CNTNAP5: variants seen among roughly 807,000 people sequenced by gnomAD.
CNTNAP5 encodes contactin associated protein family member 5, also known as contactin-associated protein-like 5.
In CNTNAP5, 72 loss-of-function variants were observed where a neutral mutation model predicts 150.2. The ratio of observed to expected loss-of-function variants is 0.48; its 90% CI spans 0.40 to 0.58. The LOEUF (loss-of-function observed/expected upper bound fraction) is 0.58, where lower values mean the gene tolerates loss of function less well. Among genes scored for constraint, CNTNAP5 ranks in the 20% least tolerant of loss-of-function variants. The pLI is 0.00. For missense variants in CNTNAP5, 1,636 were observed against 1,626.2 expected, an observed-to-expected ratio of 1.01 and a Z score of -0.10; for synonymous variants, 672 against 619.8, an observed-to-expected ratio of 1.08 and a Z score of -1.25.
In CNTNAP5 at chr2:124,870,645, A is replaced by G. The variant is rs527744089; in HGVS notation, c.3436+883A>G. Among the ~76,000 whole-genome samples, 139 of 152,310 alleles carry G rather than the reference A, an allele frequency of 9.1e-4. 1 individual carries two copies. The highest frequency in any genetic ancestry group is 3.0e-3 in the African/African-American group (125 of 41,562). The stretch of plus-strand genomic sequence containing the variant: ...CTCTCTCTATCACAGTACAATGCAG[A>G]AAACATTAATAACTCAATGCATGGT... On this transcript the variant is annotated intron_variant, in intron 21 of 23. Transcript: ENST00000682447.
chr2:124,229,471 C>A (rs566725789), intron 2 of CNTNAP5, among the ~76,000 whole-genome samples: 12 of 152,228 alleles, frequency 7.9e-5, no homozygotes, highest in Admixed American at 7.9e-4. Context: ...AACACTTCAG[C>A]CTTCATCTCA....
At chr2:124,290,976 G>C (rs774833853) in intron 3 of CNTNAP5, among the ~76,000 whole-genome samples, 7 of 152,110 alleles carry the variant, frequency 4.6e-5, no homozygotes, top group Admixed American at 2.0e-4. Context: ...AAATGAAATA[G>C]TATGTGTGAA....
chr2:124,557,346 G>C (rs1695781653), intron 10 of CNTNAP5, among the ~76,000 whole-genome samples: 1 of 151,704 alleles, frequency 6.6e-6, no homozygotes, highest in Non-Finnish European at 1.5e-5. Context: ...AAACACAAAA[G>C]TGAGGCTCCT....
intron 19 of CNTNAP5, among the ~76,000 whole-genome samples, chr2:124,832,730 C>G (rs1249146362): frequency 1.3e-5 from 2 of 151,906 alleles, no homozygotes; most frequent in East Asian, 3.9e-4. Context: ...GTTACTAATA[C>G]AGCCTTGAAG....
rs533580752 is a variant in CNTNAP5 at position 124,855,371 on chromosome 2, T to A, written c.3218-9935T>A. 2.0e-5 allele frequency among the ~76,000 whole-genome samples: 3 copies of A among 151,942 alleles called. No homozygotes were observed. In the South Asian group the frequency reaches 6.2e-4, roughly 32 times the overall value. ...TTTTATATTTTCAGTAGAGGCAGGG[T>A]TTCGCCATGTTGGTCAGGCTCGAAC... On this transcript the variant is annotated intron_variant, in intron 19 of 23. Coordinates refer to ENST00000682447, the MANE Select transcript of CNTNAP5 (RefSeq NM_001367498.1).
intron 3 of CNTNAP5, among the ~76,000 whole-genome samples, chr2:124,282,539 A>G (rs1361336346): frequency 1.3e-5 from 2 of 152,090 alleles, no homozygotes; most frequent in South Asian, 2.1e-4. Context: ...GTAATTGACA[A>G]CAGCTGAAAG....
intron 3 of CNTNAP5, among the ~76,000 whole-genome samples, chr2:124,299,307 A>G (rs1006708604): frequency 3.9e-5 from 6 of 152,018 alleles, no homozygotes; most frequent in Non-Finnish European, 7.4e-5. Context: ...AACAGTACTC[A>G]TTAGTTATTT....
chr2:124,732,207 T>G (rs1265660312), intron 13 of CNTNAP5, among the ~76,000 whole-genome samples: 1 of 152,146 alleles, frequency 6.6e-6, no homozygotes, highest in Non-Finnish European at 1.5e-5. Context: ...CTAGATAATT[T>G]TGAAGAGAAA....
chr2:124,823,726 T>A (rs1354201477), intron 19 of CNTNAP5, among the ~76,000 whole-genome samples: 1 of 152,090 alleles, frequency 6.6e-6, no homozygotes, highest in Non-Finnish European at 1.5e-5. Flanking sequence ...AACCACAGGA[T>A]GCCCATTTGT....
chr2:124,281,847 G>A (rs1449422135), intron 3 of CNTNAP5, among the ~76,000 whole-genome samples: 3 of 152,156 alleles, frequency 2.0e-5, no homozygotes, highest in Non-Finnish European at 4.4e-5. Context: ...GGCTCAGGCC[G>A]AACAGCAATC....
intron 3 of CNTNAP5, among the ~76,000 whole-genome samples, chr2:124,274,494 G>A (rs867619820): frequency 6.6e-6 from 1 of 151,176 alleles, no homozygotes; most frequent in Non-Finnish European, 1.5e-5. Context: ...AGACAATCAG[G>A]TTTTTTTTTC....
chr2:124,456,353 C>A (rs1693119372), intron 6 of CNTNAP5, among the ~76,000 whole-genome samples: 1 of 151,962 alleles, frequency 6.6e-6, no homozygotes, highest in Non-Finnish European at 1.5e-5. Flanking sequence ...TAGGAAGATA[C>A]CTAATCAAGA....
At chr2:124,378,503 C>T (rs998582494) in intron 3 of CNTNAP5, among the ~76,000 whole-genome samples, 4 of 151,986 alleles carry the variant, frequency 2.6e-5, no homozygotes. Context: ...TAAAACTTTC[C>T]TATTATCACA....
chr2:124,359,199 T>G (rs1690122376), intron 3 of CNTNAP5, among the ~76,000 whole-genome samples: 1 of 152,108 alleles, frequency 6.6e-6, no homozygotes, highest in South Asian at 2.1e-4. Flanking sequence ...CTCTCTTTTT[T>G]TCTTTATTAG....
At chr2:124,413,869 C>G (rs1435842614) in intron 3 of CNTNAP5, among the ~76,000 whole-genome samples, 4 of 144,294 alleles carry the variant, frequency 2.8e-5, no homozygotes, top group East Asian at 2.1e-4. Flanking sequence ...TACCCTAAAA[C>G]TTAAAGTATA....
chr2:124,263,018 A>G (rs1203909183), intron 3 of CNTNAP5, among the ~76,000 whole-genome samples: 1 of 152,060 alleles, frequency 6.6e-6, no homozygotes, highest in Non-Finnish European at 1.5e-5. Context: ...CATGGTGTAT[A>G]TGTGCCACAT....
chr2:124,424,175 A>G (rs905967792), intron 4 of CNTNAP5, among the ~76,000 whole-genome samples: 3 of 152,160 alleles, frequency 2.0e-5, no homozygotes, highest in African/African-American at 7.2e-5. Flanking sequence ...CCTTCCTCAG[A>G]TAAATACTCT....
At chr2:124,907,076 A>T (rs943947098) in intron 22 of CNTNAP5, among the ~76,000 whole-genome samples, 8 of 152,224 alleles carry the variant, frequency 5.3e-5, no homozygotes, top group African/African-American at 1.2e-4. Context: ...ATGCTAAAGG[A>T]AAAATATGAA....
At chr2:124,628,172 C>G (rs1677770748) in intron 12 of CNTNAP5, among the ~76,000 whole-genome samples, 1 of 152,138 alleles carries the variant, frequency 6.6e-6, no homozygotes, top group African/African-American at 2.4e-5. Context: ...ACTTCCCCAA[C>G]CTAGAAAGAC....
Sources: allele counts gnomAD v4.1 joint callset (sites outside exome capture counted in the v4.1 genomes callset), GRCh38; gene constraint gnomAD v4.1.1; transcripts MANE v1.5; gene names NCBI Gene and HGNC (gene_info 2026-07-23, HGNC 2026-07-21).